IGF2BP2: variants seen among roughly 807,000 people sequenced by gnomAD.
IGF2BP2 encodes the protein insulin-like growth factor 2 mRNA-binding protein 2.
IGF2BP2 carries 17 observed loss-of-function variants against 75.8 expected under a neutral mutation model. The ratio of observed to expected loss-of-function variants is 0.22; its 90% CI spans 0.15 to 0.34. The LOEUF is 0.34. Ranked by LOEUF, IGF2BP2 falls within the 10% of genes least tolerant of loss-of-function variation. The pLI, the probability that IGF2BP2 is intolerant of heterozygous loss-of-function variation, is 1.00. For synonymous variants in IGF2BP2, 288 were observed against 295.6 expected, an observed-to-expected ratio of 0.97 and a Z score of 0.26; for missense variants, 516 against 772.4, an observed-to-expected ratio of 0.67 and a Z score of 3.93.
intron 2 of IGF2BP2, among the ~76,000 whole-genome samples, chr3:185,709,501 G>A (rs1027229670): frequency 6.6e-6 from 1 of 152,156 alleles, no homozygotes; most frequent in African/African-American, 2.4e-5. Context: ...AGAGGAACAC[G>A]TGCTTACTAA....
chr3:185,745,162 T>A (rs970756204), intron 2 of IGF2BP2, among the ~76,000 whole-genome samples: 7 of 152,042 alleles, frequency 4.6e-5, no homozygotes, highest in African/African-American at 1.4e-4. Context: ...CTTGACAGAT[T>A]AAAGGGAAAA....
At chr3:185,648,812 C>T (rs1714060260) in intron 14 of IGF2BP2, among the ~76,000 whole-genome samples, 2 of 152,214 alleles carry the variant, frequency 1.3e-5, no homozygotes, top group African/African-American at 4.8e-5. Context: ...CAATCTCCTC[C>T]TTGCCCACCC....
At position 185,707,453 on chromosome 3, in the gene IGF2BP2, C is replaced by T. The variant is rs185176070; in HGVS notation, c.240-9106G>A. Among the ~76,000 whole-genome samples the T allele has an allele frequency of 5.3e-5, 8 of 151,656 alleles. No individual in the cohort carries two copies. The East Asian group carries it at 1.2e-3, about 22-fold the overall frequency. ...CCTCCTGAGTAGCTGGGACTACAGGCGCCCACTACCATGCCCGGCTAATTT... is the reference window on the plus strand; with the variant it reads ...CCTCCTGAGTAGCTGGGACTACAGGTGCCCACTACCATGCCCGGCTAATTT... On this transcript the variant is annotated intron_variant, in intron 2 of 15. Coordinates refer to ENST00000382199, the MANE Select transcript of IGF2BP2 (RefSeq NM_006548.6).
At chr3:185,805,032 C>T (rs1033232959) in intron 2 of IGF2BP2, among the ~76,000 whole-genome samples, 3 of 151,848 alleles carry the variant, frequency 2.0e-5, no homozygotes, top group African/African-American at 2.4e-5. Context: ...CCTCAGGCCA[C>T]GAACTGAACA....
chr3:185,666,001 CATAGATAGATAGATAGATAGATAGATAG>C (rs57817338), intron 10 of IGF2BP2, among the ~76,000 whole-genome samples: 44 of 145,400 alleles, frequency 3.0e-4, no homozygotes, highest in African/African-American at 9.2e-4. Flanking sequence ...TAGATAGGTA[CATAGATAGATAGATAGATAGATAGATAG>C]ATAGATAGAT....
At chr3:185,725,957 G>A (rs556903824) in intron 2 of IGF2BP2, among the ~76,000 whole-genome samples, 69 of 152,208 alleles carry the variant, frequency 4.5e-4, no homozygotes, top group African/African-American at 1.4e-3. Flanking sequence ...GGGTGAAACT[G>A]TCAAAAAATA....
intron 4 of IGF2BP2, 193 bp downstream of exon 4, chr3:185,696,419 A>T (rs13061706): frequency 1.7e-6 from 1 of 584,606 alleles, no homozygotes; most frequent in Admixed American, 3.0e-5. Context: ...AACTACATAG[A>T]CATACATAGA....
At chr3:185,678,799 G>T (rs1226915331) in intron 7 of IGF2BP2, among the ~76,000 whole-genome samples, 1 of 152,148 alleles carries the variant, frequency 6.6e-6, no homozygotes, top group Non-Finnish European at 1.5e-5. Context: ...CACATGTTTA[G>T]AACTCTGAGG....
chr3:185,723,908 A>G (rs1438759279), intron 2 of IGF2BP2, among the ~76,000 whole-genome samples: 2 of 152,222 alleles, frequency 1.3e-5, no homozygotes, highest in African/African-American at 4.8e-5. Flanking sequence ...CAGAGAAAAC[A>G]CCATCGAGCA....
chr3:185,652,202 C>T lies in IGF2BP2; in HGVS notation c.1387-34G>A, dbSNP rs544643426. On this transcript the variant is annotated intron_variant, in intron 12 of 15. Transcript: ENST00000382199. The stretch of plus-strand genomic sequence containing the variant: ...CACAGGAGAGGAAAACGCTGATGCT[C>T]GGCTGCATTCCCCAGCCCCTCTTTC... The T allele has an allele frequency of 2.4e-4, 371 of 1,560,136 alleles. 6 individuals are homozygous for T. The South Asian group carries it at 2.9e-3, about 12-fold the overall frequency.
intron 2 of IGF2BP2, among the ~76,000 whole-genome samples, chr3:185,797,897 TAAAAA>T (rs35850351): frequency 1.1e-5 from 1 of 90,366 alleles, no homozygotes; most frequent in Non-Finnish European, 2.1e-5. Flanking sequence ...CCCTGTCTCT[TAAAAA>T]AAAAAAAAAA....
chr3:185,737,059 A>G (rs1044112025), intron 2 of IGF2BP2, among the ~76,000 whole-genome samples: 1 of 152,222 alleles, frequency 6.6e-6, no homozygotes, highest in Non-Finnish European at 1.5e-5. Context: ...GATGTTTCGC[A>G]TTAATTTGTA....
intron 2 of IGF2BP2, among the ~76,000 whole-genome samples, chr3:185,698,975 T>G (rs1170949465): frequency 1.3e-5 from 2 of 152,006 alleles, no homozygotes; most frequent in Non-Finnish European, 2.9e-5. Context: ...CCACCACACT[T>G]GGCTAATTTT....
intron 15 of IGF2BP2, among the ~76,000 whole-genome samples, chr3:185,646,587 G>C (rs766099762): frequency 6.6e-6 from 1 of 152,202 alleles, no homozygotes; most frequent in Non-Finnish European, 1.5e-5. Flanking sequence ...AGAGGAGGAG[G>C]AGAGAGAAAT....
At chr3:185,730,428 C>CTTTT (rs71632076) in intron 2 of IGF2BP2, among the ~76,000 whole-genome samples, 23 of 96,756 alleles carry the variant, frequency 2.4e-4, no homozygotes, top group East Asian at 6.4e-4. Flanking sequence ...GCGCAGGTGT[C>CTTTT]TTTTTTTTTT....
At chr3:185,753,246 C>T (rs1016105659) in intron 2 of IGF2BP2, among the ~76,000 whole-genome samples, 2 of 152,102 alleles carry the variant, frequency 1.3e-5, no homozygotes, top group South Asian at 4.1e-4. Context: ...GGTGATATAA[C>T]TCCTGGGAAC....
chr3:185,766,579 A>C (rs1733100823), intron 2 of IGF2BP2, among the ~76,000 whole-genome samples: 1 of 152,272 alleles, frequency 6.6e-6, no homozygotes, highest in African/African-American at 2.4e-5. Flanking sequence ...GCTCTTGCAG[A>C]GTTGAATAGG....
At chr3:185,669,809 G>GT (rs1265201504) in intron 10 of IGF2BP2, among the ~76,000 whole-genome samples, 4 of 152,188 alleles carry the variant, frequency 2.6e-5, no homozygotes, top group Non-Finnish European at 5.9e-5. Context: ...AGTATTTAAA[G>GT]TATCTCCACC....
intron 7 of IGF2BP2, among the ~76,000 whole-genome samples, chr3:185,685,747 C>G (rs570264443): frequency 1.6e-4 from 25 of 152,266 alleles, no homozygotes; most frequent in African/African-American, 6.0e-4. Context: ...TAGGCTCAAG[C>G]AATTCTGCCT....
Sources: gnomAD v4.1 joint callset for allele counts (sites outside exome capture counted in the v4.1 genomes callset) on GRCh38, gnomAD v4.1.1 for gene constraint, MANE v1.5 for transcripts, NCBI Gene and HGNC (gene_info 2026-07-23, HGNC 2026-07-21) for gene names.